Variants in SLC36A1 observed in about 807,000 individuals in gnomAD.
SLC36A1 encodes solute carrier family 36 member 1, also known as proton-coupled amino acid transporter 1.
SLC36A1 carries 30 observed loss-of-function variants against 47.5 expected under a neutral mutation model. The observed-to-expected ratio is 0.63, with a 90% CI of 0.47 to 0.86. The LOEUF (loss-of-function observed/expected upper bound fraction) is 0.86, where lower values mean the gene tolerates loss of function less well. Among genes scored for constraint, SLC36A1 ranks in the 40% least tolerant of loss-of-function variants. SLC36A1 has a pLI of 0.00. For synonymous variants in SLC36A1, 255 were observed against 249.7 expected, an observed-to-expected ratio of 1.02 and a Z score of -0.20; for missense variants, 517 against 606.0, an observed-to-expected ratio of 0.85 and a Z score of 1.54.
the SLC36A1 span, among the ~76,000 whole-genome samples, chr5:151,400,668 G>C: frequency 5.1e-3 from 771 of 151,906 alleles, 8 homozygotes; most frequent in African/African-American, 0.018. Flanking sequence ...GCCAATACCC[G>C]TTTTTTGTTT....
chr5:151,533,394 A>G, the SLC36A1 span, among the ~76,000 whole-genome samples: 19 of 10,380 alleles, frequency 1.8e-3, no homozygotes, highest in African/African-American at 5.0e-3. Flanking sequence ...GTTATCTCCA[A>G]CACACACACA....
chr5:151,425,627 T>C, the SLC36A1 span, among the ~76,000 whole-genome samples: 1 of 152,092 alleles, frequency 6.6e-6, no homozygotes, highest in Non-Finnish European at 1.5e-5. Context: ...GTGAATAAAT[T>C]AATTAGGTAA....
In SLC36A1 at chr5:151,464,618, G is replaced by C. The variant is rs773642398; in HGVS notation, c.323+16G>C. The C allele has an allele frequency of 3.7e-6, 6 of 1,610,816 alleles. No homozygotes were observed. The South Asian group carries it at 6.6e-5, about 18-fold the overall frequency. ...TCTGCCGCAGGTGAGAGCCCTCTGA[G>C]CCACCTCTCAAGTGACAGATTGTCC... On this transcript the variant is annotated intron_variant, in intron 4 of 10. Coordinates refer to ENST00000243389, the MANE Select transcript of SLC36A1 (RefSeq NM_078483.4).
At chr5:151,462,232 T>G (rs924236472) in intron 2 of SLC36A1, among the ~76,000 whole-genome samples, 2 of 149,140 alleles carry the variant, frequency 1.3e-5, no homozygotes, top group African/African-American at 2.4e-5. Context: ...TTAACAAATA[T>G]GACTTTTTGA....
At chr5:151,544,992 A>G in the SLC36A1 span, 1 of 1,614,112 alleles carries the variant, frequency 6.2e-7, no homozygotes, top group Non-Finnish European at 8.5e-7. Context: ...GAGGTGTCCG[A>G]TTGTCCCTCA....
At chr5:151,532,690 C>G in the SLC36A1 span, among the ~76,000 whole-genome samples, 1 of 150,208 alleles carries the variant, frequency 6.7e-6, no homozygotes, top group Admixed American at 6.9e-5. Flanking sequence ...GTTTCTCCAG[C>G]TTTGTCTCCA....
chr5:151,379,403 G>A, the SLC36A1 span, among the ~76,000 whole-genome samples: 1 of 152,216 alleles, frequency 6.6e-6, no homozygotes, highest in Admixed American at 6.5e-5. Flanking sequence ...GCACGATCTT[G>A]GCTCACTGCA....
the SLC36A1 span, among the ~76,000 whole-genome samples, chr5:151,500,702 A>G: frequency 2.0e-5 from 3 of 152,262 alleles, no homozygotes; most frequent in East Asian, 5.8e-4. Context: ...AAATGAGATA[A>G]GACGCTGAGT....
At position 151,461,961 on chromosome 5, in the gene SLC36A1, CT is replaced by C. The variant is rs35783925; in HGVS notation, c.144-1580del. 9.4e-3 allele frequency among the ~76,000 whole-genome samples: 1,352 copies of C among 144,542 alleles called. 16 individuals are homozygous for C. Among genetic ancestry groups the C allele is most frequent in the African/African-American group, 0.031 (1,227 of 39,406 alleles). 94.8% of individuals were successfully genotyped at this position (144,542 alleles called of 152,430 possible). On this transcript the variant is annotated intron_variant, in intron 2 of 10. Coordinates refer to ENST00000243389, the MANE Select transcript of SLC36A1 (RefSeq NM_078483.4). The stretch of plus-strand genomic sequence containing the variant: ...ATGAGTTGTCAACCAAACTTGCTGC[CT>C]TTTTTTTTTTTCATAGAACTAGAAA...
the SLC36A1 span, among the ~76,000 whole-genome samples, chr5:151,386,887 GCCTCCAAAGAA>G: frequency 6.6e-6 from 1 of 152,128 alleles, no homozygotes; most frequent in Non-Finnish European, 1.5e-5. Flanking sequence ...TCTGTTGTTT[GCCTCCAAAGAA>G]CCTAACCAAT....
the SLC36A1 span, among the ~76,000 whole-genome samples, chr5:151,352,643 T>TTTG: frequency 6.6e-6 from 1 of 152,166 alleles, no homozygotes; most frequent in African/African-American, 2.4e-5. Context: ...ATCTGTTTCC[T>TTTG]TTGTTGTTGT....
chr5:151,472,498 C>G (rs1027157370), intron 7 of SLC36A1, among the ~76,000 whole-genome samples: 4 of 152,236 alleles, frequency 2.6e-5, no homozygotes, highest in African/African-American at 9.6e-5. Flanking sequence ...TATTAACCAT[C>G]ACAACCTCCT....
At chr5:151,500,363 T>TTTGTTG in the SLC36A1 span, among the ~76,000 whole-genome samples, 25,764 of 151,698 alleles carry the variant, frequency 0.17, 2,269 homozygotes, top group Non-Finnish European at 0.21. Flanking sequence ...TCATTAGGGT[T>TTTGTTG]TTGTTGTTGT....
At chr5:151,543,318 C>T in the SLC36A1 span, 235 of 1,614,026 alleles carry the variant, frequency 1.5e-4, no homozygotes, top group Non-Finnish European at 1.9e-4. Context: ...CCTGGATAAC[C>T]GGAGAGTCTT....
At chr5:151,506,326 C>T in the SLC36A1 span, among the ~76,000 whole-genome samples, 1 of 152,208 alleles carries the variant, frequency 6.6e-6, no homozygotes, top group African/African-American at 2.4e-5. Context: ...AAATCCCTGC[C>T]ACTAATCTGA....
downstream of SLC36A1, among the ~76,000 whole-genome samples, chr5:151,497,004 G>C (rs1760363682): frequency 6.6e-6 from 1 of 152,062 alleles, no homozygotes; most frequent in Admixed American, 6.6e-5. Context: ...ATAATTCTAG[G>C]AGTTTTTGGT....
the SLC36A1 span, among the ~76,000 whole-genome samples, chr5:151,512,956 C>T: frequency 4.5e-4 from 68 of 152,294 alleles, no homozygotes; most frequent in Admixed American, 2.8e-3. This position sits in a 1 kb window ranked among gnomAD's most constrained non-coding sequence, Gnocchi z 4.1. Flanking sequence ...TGGCCTTCAG[C>T]GATTTGAAAA....
At chr5:151,375,519 C>T in the SLC36A1 span, among the ~76,000 whole-genome samples, 1 of 151,956 alleles carries the variant, frequency 6.6e-6, no homozygotes, top group African/African-American at 2.4e-5. Flanking sequence ...ATTCTTTTTG[C>T]TTTGGATGCT....
chr5:151,545,782 T>C, the SLC36A1 span: 1 of 1,614,192 alleles, frequency 6.2e-7, no homozygotes, highest in Non-Finnish European at 8.5e-7. Flanking sequence ...AAAGGGGTTG[T>C]TGTTTTTATC....
Sources: allele counts gnomAD v4.1 joint callset (sites outside exome capture counted in the v4.1 genomes callset), GRCh38; gene constraint gnomAD v4.1.1; non-coding constraint Gnocchi (gnomAD v3.1); transcripts MANE v1.5; gene names NCBI Gene and HGNC (gene_info 2026-07-23, HGNC 2026-07-21).